The following LMX1B variants were observed in gnomAD, a reference collection of about 807,000 sequenced individuals.
LMX1B encodes LIM homeobox transcription factor 1 beta, also known as LIM homeobox transcription factor 1-beta.
LMX1B carries 12 observed loss-of-function variants against 51.4 expected under a neutral mutation model. The ratio of observed to expected loss-of-function variants is 0.23; its 90% CI spans 0.15 to 0.38. The LOEUF (loss-of-function observed/expected upper bound fraction) is 0.38, where lower values mean the gene tolerates loss of function less well. Among genes scored for constraint, LMX1B ranks in the 10% least tolerant of loss-of-function variants. The pLI is 1.00. For synonymous variants in LMX1B, 237 were observed against 235.4 expected, an observed-to-expected ratio of 1.01 and a Z score of -0.06; for missense variants, 445 against 571.1, an observed-to-expected ratio of 0.78 and a Z score of 2.25.
At chr9:126,623,218 C>T (rs1252567861) in intron 2 of LMX1B, among the ~76,000 whole-genome samples, 1 of 152,182 alleles carries the variant, frequency 6.6e-6, no homozygotes, top group African/African-American at 2.4e-5. Flanking sequence ...TTGAAAAGGG[C>T]ATGGGGCCGG....
intron 2 of LMX1B, among the ~76,000 whole-genome samples, chr9:126,644,955 C>T (rs1003419378): frequency 1.3e-5 from 2 of 152,204 alleles, no homozygotes; most frequent in African/African-American, 4.8e-5. Context: ...GGGGCTTCTC[C>T]TGCCCTCCCA....
At chr9:126,620,655 C>T (rs958057729) in intron 2 of LMX1B, among the ~76,000 whole-genome samples, 7 of 151,908 alleles carry the variant, frequency 4.6e-5, no homozygotes, top group East Asian at 1.9e-4. Context: ...GGAGGGTGGC[C>T]GGGTGTCCTG....
At chr9:126,684,398 AT>A (rs1468402416) in intron 2 of LMX1B, among the ~76,000 whole-genome samples, 1 of 152,060 alleles carries the variant, frequency 6.6e-6, no homozygotes, top group African/African-American at 2.4e-5. Context: ...ACCTATTAAG[AT>A]CCCTCCTGTG....
chr9:126,662,810 G>C (rs1380793618), intron 2 of LMX1B, among the ~76,000 whole-genome samples: 1 of 152,234 alleles, frequency 6.6e-6, no homozygotes. Flanking sequence ...CCCAGGCTCT[G>C]GCCTAAGCTT....
intron 2 of LMX1B, among the ~76,000 whole-genome samples, chr9:126,684,564 GCAGCTGGT>G: frequency 6.6e-6 from 1 of 152,360 alleles, no homozygotes; most frequent in Non-Finnish European, 1.5e-5. Flanking sequence ...CCGAGGCTGT[GCAGCTGGT>G]GATGGAGGTG....
At chr9:126,662,051 C>A (rs1439819347) in intron 2 of LMX1B, among the ~76,000 whole-genome samples, 1 of 152,208 alleles carries the variant, frequency 6.6e-6, no homozygotes, top group Non-Finnish European at 1.5e-5. Context: ...GAGCCCCCTG[C>A]ACCCCTCCCC....
At chr9:126,666,963 T>C (rs1214010432) in intron 2 of LMX1B, among the ~76,000 whole-genome samples, 3 of 152,230 alleles carry the variant, frequency 2.0e-5, no homozygotes, top group African/African-American at 7.2e-5. Context: ...TAGGGCGAAA[T>C]GACAAATCGG....
rs939932074 is a variant in LMX1B at position 126,615,292 on chromosome 9, C to T, written c.140-91C>T. The T allele has an allele frequency of 4.0e-4, 413 of 1,045,026 alleles. No homozygotes were observed. Among genetic ancestry groups the T allele is most frequent in the Non-Finnish European group, 4.9e-4 (401 of 811,270 alleles). 64.7% of individuals were successfully genotyped at this position (1,045,026 alleles called of 1,614,324 possible). On this transcript the variant is annotated intron_variant, in intron 1 of 7. Coordinates refer to ENST00000373474, the MANE Select transcript of LMX1B (RefSeq NM_001174147.2). The surrounding 1 kb of genome is among the most constrained non-coding windows in gnomAD (Gnocchi z 6.0). The stretch of plus-strand genomic sequence containing the variant: ...GGTGATCCCGGGCGGCCCGAGCCCT[C>T]GGGGCCGAGGGCTGTGGGCCCGGTG...
chr9:126,693,160 A>T lies in LMX1B; in HGVS notation c.578A>T (p.Asp193Val). ...CCCACAGTGAAGAGCGAGGATGAAG[A>T]TGGGGACATGAAGCCGGCCAAGGGG... ...ESDSVKSEDE[D>V]GDMKPAKGQG... Residue 193 changes from aspartate to valine, a missense_variant, in exon 4 of 8, where the codon GAT (aspartate) becomes GTT (valine). Physicochemically the swap from Asp to Val is radical, Grantham distance 152 (BLOSUM62 -3). Coordinates refer to ENST00000373474, the MANE Select transcript of LMX1B (RefSeq NM_001174147.2). 1 of 1,589,460 alleles carries T rather than the reference A, an allele frequency of 6.3e-7. No homozygotes were observed. The highest frequency in any genetic ancestry group is 8.6e-7 in the Non-Finnish European group (1 of 1,168,404).
At chr9:126,692,991 AAGG>A (rs2030187574) in intron 3 of LMX1B, 148 bp from the exon 4 acceptor site, 2 of 778,146 alleles carry the variant, frequency 2.6e-6, no homozygotes, top group Non-Finnish European at 4.1e-6. Context: ...CACGGGAGGG[AAGG>A]AGATCTTATC....
In LMX1B at chr9:126,626,382, G is replaced by A. The variant is rs1219710705; in HGVS notation, c.326+10813G>A. Among the ~76,000 whole-genome samples the A allele has an allele frequency of 6.6e-6, 1 of 152,238 alleles. No individual in the cohort carries two copies. The highest frequency in any genetic ancestry group is 6.5e-5 in the Admixed American group (1 of 15,286). ...TCCATCTCTGACAGCATAGGGACCGGGAGCTCCGATGGAGGAAACCCTTTC... is the reference window on the plus strand; with the variant it reads ...TCCATCTCTGACAGCATAGGGACCGAGAGCTCCGATGGAGGAAACCCTTTC... On this transcript the variant is annotated intron_variant, in intron 2 of 7. Coordinates refer to ENST00000373474, the MANE Select transcript of LMX1B (RefSeq NM_001174147.2). This position sits in a 1 kb window ranked among gnomAD's most constrained non-coding sequence, Gnocchi z 4.3.
At position 126,614,046 on chromosome 9, in the gene LMX1B, G is replaced by GCCCCC. The variant is rs531328889; in HGVS notation, c.-400_-396dup. Among the ~76,000 whole-genome samples, 1 of 104,642 alleles carries GCCCCC rather than the reference G, an allele frequency of 9.6e-6. No homozygotes were observed. The highest frequency in any genetic ancestry group is 3.4e-5 in the African/African-American group (1 of 29,152). The allele number at this position is 104,642 out of a possible 152,430, so 68.6% of individuals were successfully genotyped here. A position where few individuals can be genotyped will look rare whatever the true frequency, so the allele number is the denominator to read the frequency against. On this transcript the variant is annotated 5_prime_UTR_variant, in exon 1 of 8. Transcript: ENST00000373474. ...CGCCCGGGACCCCGCTGCGCCGCGC[G>GCCCCC]CCCCCCCCGCGGCCCGCGGGGCCGC...
At chr9:126,683,274 G>C (rs1257279104) in intron 2 of LMX1B, among the ~76,000 whole-genome samples, 2 of 151,356 alleles carry the variant, frequency 1.3e-5, no homozygotes, top group African/African-American at 4.8e-5. Context: ...CGCGCGTACC[G>C]GGGCCCCCGC....
intron 2 of LMX1B, among the ~76,000 whole-genome samples, chr9:126,681,699 G>A (rs1836675540): frequency 6.6e-6 from 1 of 152,040 alleles, no homozygotes; most frequent in Admixed American, 6.5e-5. Context: ...TTAGGAGTTC[G>A]TGACCAGCCT....
At chr9:126,668,175 CTT>C in intron 2 of LMX1B, among the ~76,000 whole-genome samples, 3 of 152,104 alleles carry the variant, frequency 2.0e-5, no homozygotes, top group Non-Finnish European at 2.9e-5. Context: ...GACAGACACT[CTT>C]ACTGAGACCA....
chr9:126,668,443 T>TTTATTATTATTATTATTATTATTATTA (rs61392859), intron 2 of LMX1B, among the ~76,000 whole-genome samples: 2,820 of 146,914 alleles, frequency 0.019, 31 homozygotes, highest in African/African-American at 0.033. Context: ...AGAAGCAGGA[T>TTTATTATTATTATTATTATTATTATTA]TTATTATTAT....
intron 2 of LMX1B, among the ~76,000 whole-genome samples, chr9:126,667,438 C>T (rs1206433931): frequency 6.6e-6 from 1 of 152,228 alleles, no homozygotes. Context: ...CAGTGAGCAT[C>T]CTGGTACATA....
In LMX1B at chr9:126,626,136, T is replaced by C. The variant is rs1835524954; in HGVS notation, c.326+10567T>C. The stretch of plus-strand genomic sequence containing the variant: ...ACTTCGGAGGAATTTGTCTCTGATG[T>C]CCCGGCTCCCTGGCCTCCTATTAGA... On this transcript the variant is annotated intron_variant, in intron 2 of 7. Transcript: ENST00000373474. The surrounding 1 kb of genome is among the most constrained non-coding windows in gnomAD (Gnocchi z 4.3). Among the ~76,000 whole-genome samples, 1 of 152,182 alleles carries C rather than the reference T, an allele frequency of 6.6e-6. No homozygotes were observed. Among genetic ancestry groups the C allele is most frequent in the South Asian group, 2.1e-4 (1 of 4,830 alleles).
chr9:126,685,578 G>A (rs973914077), intron 2 of LMX1B, among the ~76,000 whole-genome samples: 2 of 152,160 alleles, frequency 1.3e-5, no homozygotes, highest in Non-Finnish European at 2.9e-5. Flanking sequence ...CTTGAGGAGT[G>A]GAAGAGGTCT....
Sources: gnomAD v4.1 joint callset for allele counts (sites outside exome capture counted in the v4.1 genomes callset) on GRCh38, gnomAD v4.1.1 for gene constraint, Gnocchi (gnomAD v3.1) non-coding constraint, MANE v1.5 for transcripts, NCBI Gene and HGNC (gene_info 2026-07-23, HGNC 2026-07-21) for gene names.